The following ERG variants were observed in gnomAD, a reference collection of about 807,000 sequenced individuals.
ERG encodes ETS transcription factor ERG.
A neutral mutation model predicts 55.3 loss-of-function variants in ERG; 9 were observed. That is an observed-to-expected ratio of 0.16 (90% CI 0.10 to 0.28). The LOEUF is 0.28. ERG is among the 10% of genes least tolerant of loss of function. The pLI, the probability that ERG is intolerant of heterozygous loss-of-function variation, is 1.00. For missense variants in ERG, 434 were observed against 631.6 expected, an observed-to-expected ratio of 0.69 and a Z score of 3.35; for synonymous variants, 223 against 237.3, an observed-to-expected ratio of 0.94 and a Z score of 0.55.
intron 2 of ERG, among the ~76,000 whole-genome samples, chr21:38,548,107 TAGCA>T (rs1461485769): frequency 1.3e-5 from 2 of 152,176 alleles, no homozygotes; most frequent in Admixed American, 1.3e-4. Context: ...CCGTAAGGTC[TAGCA>T]AAGAGGAATA....
At chr21:38,617,764 T>C (rs987306734) in intron 1 of ERG, among the ~76,000 whole-genome samples, 1 of 152,198 alleles carries the variant, frequency 6.6e-6, no homozygotes, top group Non-Finnish European at 1.5e-5. Context: ...ACCATCCCCA[T>C]CCCATTGTTG....
intron 9 of ERG, among the ~76,000 whole-genome samples, chr21:38,384,950 T>G (rs1432139805): frequency 6.6e-6 from 1 of 152,126 alleles, no homozygotes; most frequent in Non-Finnish European, 1.5e-5. Flanking sequence ...GCCAATTGTG[T>G]TAAGCAGCAT....
chr21:38,620,717 T>C (rs1282723853), intron 1 of ERG, among the ~76,000 whole-genome samples: 1 of 152,202 alleles, frequency 6.6e-6, no homozygotes, highest in Non-Finnish European at 1.5e-5. Flanking sequence ...TCATTCACTA[T>C]TGCCCAAGGA....
At chr21:38,561,887 T>G (rs2059895136) in intron 2 of ERG, among the ~76,000 whole-genome samples, 1 of 152,244 alleles carries the variant, frequency 6.6e-6, no homozygotes, top group African/African-American at 2.4e-5. Flanking sequence ...TTCAGTTAAA[T>G]TTGTTTACTT....
chr21:38,602,835 G>A (rs757009523), intron 1 of ERG, among the ~76,000 whole-genome samples: 4 of 151,588 alleles, frequency 2.6e-5, no homozygotes, highest in Non-Finnish European at 2.9e-5. Context: ...CTCCTAGAAC[G>A]CCAAGAGCTG....
intron 5 of ERG, among the ~76,000 whole-genome samples, chr21:38,401,327 A>T (rs1988480196): frequency 6.6e-6 from 1 of 152,250 alleles, no homozygotes; most frequent in African/African-American, 2.4e-5. Flanking sequence ...GAAAATGTGC[A>T]TAGCTCAAAG....
chr21:38,452,868 C>G (rs1447824011), intron 1 of ERG, among the ~76,000 whole-genome samples: 3 of 152,230 alleles, frequency 2.0e-5, no homozygotes, highest in Non-Finnish European at 4.4e-5. Flanking sequence ...TGCCTTTATT[C>G]AAATATAAGC....
chr21:38,575,311 G>C (rs1365020052), intron 2 of ERG, among the ~76,000 whole-genome samples: 1 of 152,114 alleles, frequency 6.6e-6, no homozygotes, highest in African/African-American at 2.4e-5. Flanking sequence ...TTTCTGAAAA[G>C]GTCCAGACAG....
intron 6 of ERG, among the ~76,000 whole-genome samples, chr21:38,393,473 G>C (rs1337831387): frequency 6.6e-6 from 1 of 152,142 alleles, no homozygotes; most frequent in Admixed American, 6.5e-5. Context: ...TGTCATTCTG[G>C]GCCAAGTGAA....
intron 3 of ERG, among the ~76,000 whole-genome samples, chr21:38,405,880 C>T (rs1988738258): frequency 6.6e-6 from 1 of 152,096 alleles, no homozygotes; most frequent in African/African-American, 2.4e-5. Context: ...AGGCCAGGCG[C>T]GGTGGCTCAC....
At chr21:38,627,014 C>T (rs2836577) in intron 1 of ERG, among the ~76,000 whole-genome samples, 8,799 of 151,972 alleles carry the variant, frequency 0.058, 783 homozygotes, top group African/African-American at 0.2. Context: ...CTGTAGGTCA[C>T]TTGAACAAAT....
At position 38,383,584 on chromosome 21, in the gene ERG, G is replaced by A; in HGVS notation, c.1259C>T (p.Ser420Phe). 1 of 1,607,710 alleles carries A rather than the reference G, an allele frequency of 6.2e-7. No homozygotes were observed. Among genetic ancestry groups the A allele is most frequent in the Non-Finnish European group, 8.5e-7 (1 of 1,175,030 alleles). The part of the protein sequence containing the change: ...KYPSDLPYMG[S>F]YHAHPQKMNF... ...CATCTTCTGTGGGTGGGCGTGATAG[G>A]AGCCCATGTACGGGAGGTCTGAGGG... Residue 420 changes from serine to phenylalanine, a missense_variant, in exon 10 of 10, where the codon TCC becomes TTC. Around this residue, in one of 5 missense-constraint regions of ERG, gnomAD observed 107 missense variants for 126.8 expected, o/e 0.84. Transcript: ENST00000288319. The surrounding 1 kb of genome is among the most constrained non-coding windows in gnomAD (Gnocchi z 5.7).
chr21:38,601,198 C>T (rs987390079), intron 1 of ERG, among the ~76,000 whole-genome samples: 2 of 152,114 alleles, frequency 1.3e-5, no homozygotes, highest in African/African-American at 2.4e-5. Flanking sequence ...GTCCACAACG[C>T]GGCAGCCAGA....
At chr21:38,654,690 G>A (rs2060508344) in intron 1 of ERG, among the ~76,000 whole-genome samples, 1 of 152,178 alleles carries the variant, frequency 6.6e-6, no homozygotes, top group African/African-American at 2.4e-5. Context: ...AGTGAAGTAA[G>A]TTTTACTGTC....
At chr21:38,371,106 T>C in the ERG span, among the ~76,000 whole-genome samples, 40 of 152,244 alleles carry the variant, frequency 2.6e-4, no homozygotes, top group East Asian at 7.3e-3. Context: ...AGGTTTATTG[T>C]TTTCCCATAA....
At chr21:38,653,236 G>A (rs1404389548) in intron 1 of ERG, among the ~76,000 whole-genome samples, 1 of 152,200 alleles carries the variant, frequency 6.6e-6, no homozygotes, top group African/African-American at 2.4e-5. Context: ...ATAGTGTCTT[G>A]CATGAAGTCT....
At chr21:38,399,730 T>G (rs760663920) in intron 6 of ERG, among the ~76,000 whole-genome samples, 1 of 152,206 alleles carries the variant, frequency 6.6e-6, no homozygotes, top group African/African-American at 2.4e-5. Flanking sequence ...CATGGGGGAT[T>G]GAGTTCCTCC....
intron 3 of ERG, among the ~76,000 whole-genome samples, chr21:38,421,674 A>G (rs1044748509): frequency 2.0e-5 from 3 of 152,098 alleles, no homozygotes; most frequent in Admixed American, 6.6e-5. Flanking sequence ...TTTGCCAACA[A>G]GGAGTAACTT....
At chr21:38,648,469 C>T (rs535044891) in intron 1 of ERG, among the ~76,000 whole-genome samples, 5 of 152,158 alleles carry the variant, frequency 3.3e-5, no homozygotes, top group African/African-American at 7.2e-5. Flanking sequence ...ATTTATGGAG[C>T]GTGGACAGTA....
Sources: allele counts gnomAD v4.1 joint callset (sites outside exome capture counted in the v4.1 genomes callset), GRCh38; gene constraint gnomAD v4.1.1; regional missense constraint gnomAD v4.1.1; non-coding constraint Gnocchi (gnomAD v3.1); transcripts MANE v1.5; gene names NCBI Gene and HGNC (gene_info 2026-07-23, HGNC 2026-07-21).